DIS3L2: variants seen among roughly 807,000 people sequenced by gnomAD.
The protein encoded by DIS3L2 is DIS3-like exonuclease 2.
In DIS3L2, 34 loss-of-function variants were observed where a neutral mutation model predicts 97.5. The ratio of observed to expected loss-of-function variants is 0.35; its 90% CI spans 0.27 to 0.46. DIS3L2 has a LOEUF of 0.46. DIS3L2 is among the 20% of genes least tolerant of loss of function. The pLI, the probability that DIS3L2 is intolerant of heterozygous loss-of-function variation, is 1.00. For missense variants in DIS3L2, 1,038 were observed against 1,146.0 expected (o/e 0.91, Z 1.36); for synonymous variants, 435 against 445.2 (o/e 0.98, Z 0.29).
intron 5 of DIS3L2, among the ~76,000 whole-genome samples, chr2:232,045,061 A>G (rs1574834212): frequency 6.6e-6 from 1 of 152,148 alleles, no homozygotes; most frequent in East Asian, 1.9e-4. Context: ...ATAGAGAAAA[A>G]ATCCTGGGTG....
chr2:232,201,779 G>A (rs941929649), intron 9 of DIS3L2, among the ~76,000 whole-genome samples: 3 of 152,018 alleles, frequency 2.0e-5, no homozygotes, highest in African/African-American at 7.3e-5. Context: ...CATACTTCTT[G>A]GTAATTCAGA....
At position 232,014,978 on chromosome 2, in the gene DIS3L2, A is replaced by C; in HGVS notation, c.51A>C (p.Arg17Ser). ...ACCTCCGGCCCCTGGGGACCCCCAG[A>C]GGTAGTAAAAGGAAAATGGAGTCTG... ...RMNLRPLGTP[R>S]GVSAVAGPHD... Residue 17 changes from arginine to serine, a missense_variant and splice_region_variant, in exon 2 of 21, where the codon AGA becomes AGC. Arg to Ser is a moderately radical substitution (Grantham distance 110). Around this residue, in one of 3 missense-constraint regions of DIS3L2, gnomAD observed 813 missense variants for 880.1 expected, o/e 0.92. Transcript: ENST00000325385. 6.2e-7 allele frequency: 1 copy of C among 1,613,966 alleles called. No individual in the cohort carries two copies. The highest frequency in any genetic ancestry group is 8.5e-7 in the Non-Finnish European group (1 of 1,179,930).
intron 5 of DIS3L2, among the ~76,000 whole-genome samples, chr2:232,054,651 A>T (rs1695495326): frequency 6.6e-6 from 1 of 152,200 alleles, no homozygotes; most frequent in African/African-American, 2.4e-5. Context: ...AGGTATGAAA[A>T]GTCCAGTGTC....
chr2:232,219,725 G>A (rs1282320803), intron 10 of DIS3L2, among the ~76,000 whole-genome samples: 1 of 152,032 alleles, frequency 6.6e-6, no homozygotes, highest in Admixed American at 6.5e-5. Context: ...GGTCTGCACT[G>A]CTCTTCCCTT....
intron 14 of DIS3L2, among the ~76,000 whole-genome samples, chr2:232,315,729 C>T (rs1695253734): frequency 6.6e-6 from 1 of 152,206 alleles, no homozygotes; most frequent in South Asian, 2.1e-4. Flanking sequence ...ATGGCCGGAA[C>T]ACAGCTGCGA....
chr2:232,113,421 T>G (rs1038702589), intron 6 of DIS3L2, among the ~76,000 whole-genome samples: 1 of 152,216 alleles, frequency 6.6e-6, no homozygotes, highest in African/African-American at 2.4e-5. Flanking sequence ...ACCTTTGCCA[T>G]GCAAGTCTTG....
In DIS3L2 at chr2:232,238,545, T is replaced by G; in HGVS notation, c.1217T>G (p.Val406Gly). The G allele has an allele frequency of 6.2e-7, 1 of 1,614,014 alleles. No individual in the cohort carries two copies. The highest frequency in any genetic ancestry group is 8.5e-7 in the Non-Finnish European group (1 of 1,179,978). Residue 406 changes from valine to glycine, a missense_variant, in exon 11 of 21, where the codon GTG (valine) becomes GGG (glycine). Coordinates refer to ENST00000325385, the MANE Select transcript of DIS3L2 (RefSeq NM_152383.5). ...CKPLADGNFK[V>G]GVHIADVSYF... ...CGTGCATTTACAGGCAACTTCAAAG[T>G]GGGAGTTCACATTGCTGACGTGAGT...
chr2:232,324,630 T>A (rs1695525209), intron 14 of DIS3L2, among the ~76,000 whole-genome samples: 1 of 152,160 alleles, frequency 6.6e-6, no homozygotes. Context: ...CTGGCCTCCT[T>A]GCCAGAGGGT....
chr2:232,258,293 A>G (rs1441841159), intron 12 of DIS3L2, among the ~76,000 whole-genome samples: 6 of 152,302 alleles, frequency 3.9e-5, no homozygotes, highest in Non-Finnish European at 7.3e-5. Flanking sequence ...TGATTAAGAA[A>G]GAAAAGAGGG....
chr2:231,984,455 C>T (rs1464306582), intron 1 of DIS3L2, among the ~76,000 whole-genome samples: 4 of 146,448 alleles, frequency 2.7e-5, no homozygotes, highest in African/African-American at 7.6e-5. Flanking sequence ...GGCGCGATCT[C>T]GGCTCACTGC....
chr2:232,321,174 G>A (rs1026310056), intron 14 of DIS3L2, among the ~76,000 whole-genome samples: 30 of 152,192 alleles, frequency 2.0e-4, no homozygotes, highest in Non-Finnish European at 2.5e-4. Flanking sequence ...GCAAGGAACA[G>A]GCCAGCAAAA....
At chr2:232,066,240 CT>C (rs1398493651) in intron 5 of DIS3L2, among the ~76,000 whole-genome samples, 1 of 151,884 alleles carries the variant, frequency 6.6e-6, no homozygotes, top group East Asian at 1.9e-4. Flanking sequence ...AGCCCTCTAT[CT>C]TTCTCATTAA....
At chr2:232,160,476 A>G (rs1406316377) in intron 8 of DIS3L2, among the ~76,000 whole-genome samples, 1 of 152,098 alleles carries the variant, frequency 6.6e-6, no homozygotes, top group African/African-American at 2.4e-5. Context: ...TGGGATGTAA[A>G]ATGGTGTCTC....
At chr2:231,964,829 G>A (rs17199747) in intron 1 of DIS3L2, among the ~76,000 whole-genome samples, 33,469 of 152,132 alleles carry the variant, frequency 0.22, 4,394 homozygotes, top group South Asian at 0.44. Flanking sequence ...TATGTGGTAC[G>A]GATATTAAGT....
At chr2:232,291,426 T>A (rs1044134645) in intron 13 of DIS3L2, among the ~76,000 whole-genome samples, 1 of 152,274 alleles carries the variant, frequency 6.6e-6, no homozygotes, top group African/African-American at 2.4e-5. Flanking sequence ...GTTTGAACTG[T>A]GCTAGGATTT....
intron 10 of DIS3L2, among the ~76,000 whole-genome samples, chr2:232,229,721 G>C (rs1015539506): frequency 4.6e-5 from 7 of 152,186 alleles, no homozygotes; most frequent in African/African-American, 1.7e-4. Flanking sequence ...AAAAATTGCT[G>C]TGTGGGCAGT....
At chr2:231,984,119 T>C (rs1693342036) in intron 1 of DIS3L2, among the ~76,000 whole-genome samples, 1 of 151,910 alleles carries the variant, frequency 6.6e-6, no homozygotes, top group African/African-American at 2.4e-5. Flanking sequence ...ATATCACCTT[T>C]TTTGTTATGT....
intron 13 of DIS3L2, among the ~76,000 whole-genome samples, chr2:232,275,885 G>T (rs767598743): frequency 6.6e-6 from 1 of 152,176 alleles, no homozygotes; most frequent in Non-Finnish European, 1.5e-5. Context: ...TGTGCACGTG[G>T]CTGCTTTCGT....
chr2:232,156,350 C>CT (rs1397910282), intron 8 of DIS3L2, among the ~76,000 whole-genome samples: 1 of 152,146 alleles, frequency 6.6e-6, no homozygotes, highest in African/African-American at 2.4e-5. Context: ...TGCATCTTTG[C>CT]TTCAAGCTCT....
Sources: allele counts gnomAD v4.1 joint callset (sites outside exome capture counted in the v4.1 genomes callset), GRCh38; gene constraint gnomAD v4.1.1; regional missense constraint gnomAD v4.1.1; transcripts MANE v1.5; gene names NCBI Gene and HGNC (gene_info 2026-07-23, HGNC 2026-07-21).